IQCM: variants seen among roughly 807,000 people sequenced by gnomAD.
IQCM encodes the protein IQ domain-containing protein M.
In IQCM, 45 loss-of-function variants were observed where a neutral mutation model predicts 57.6. The ratio of observed to expected loss-of-function variants is 0.78; its 90% confidence interval spans 0.62 to 1.00. The LOEUF (loss-of-function observed/expected upper bound fraction) is 1.00. Ranked by LOEUF, IQCM falls within the 50% of genes least tolerant of loss-of-function variation. IQCM has a pLI of 0.00. For synonymous variants in IQCM, 148 were observed against 158.9 expected (o/e 0.93, Z 0.51); for missense variants, 468 against 511.6 (o/e 0.91, Z 0.82).
At chr4:149,465,631 A>AT in intron 12 of IQCM, among the ~76,000 whole-genome samples, 1 of 152,292 alleles carries the variant, frequency 6.6e-6, no homozygotes, top group African/African-American at 2.4e-5. Flanking sequence ...GAGAAAGAAA[A>AT]TATTTCCTTC....
intron 13 of IQCM, among the ~76,000 whole-genome samples, chr4:149,382,907 G>A (rs1388871972): frequency 1.3e-5 from 2 of 150,972 alleles, no homozygotes; most frequent in Admixed American, 1.3e-4. Context: ...AATGGCTGGT[G>A]CATCTACTTT....
At chr4:149,603,408 A>G (rs1233827286) in intron 8 of IQCM, among the ~76,000 whole-genome samples, 8 of 152,174 alleles carry the variant, frequency 5.3e-5, no homozygotes, top group Admixed American at 3.9e-4. Context: ...TTCATCATTG[A>G]TATGGCATCA....
chr4:149,403,118 G>T (rs193240088), intron 13 of IQCM, among the ~76,000 whole-genome samples: 1 of 151,902 alleles, frequency 6.6e-6, no homozygotes, highest in Non-Finnish European at 1.5e-5. Context: ...GAAATATTTT[G>T]ATTATCTTCA....
At chr4:149,472,282 AC>A (rs1739654781) in intron 12 of IQCM, among the ~76,000 whole-genome samples, 1 of 152,202 alleles carries the variant, frequency 6.6e-6, no homozygotes, top group Admixed American at 6.5e-5. Flanking sequence ...GTCTCAGGAT[AC>A]AAAATCAATG....
At chr4:149,471,089 G>T (rs540481107) in intron 12 of IQCM, among the ~76,000 whole-genome samples, 24 of 152,082 alleles carry the variant, frequency 1.6e-4, no homozygotes, top group Non-Finnish European at 2.9e-4. Context: ...ACATTCAAAA[G>T]CTAGCAGAAG....
At chr4:149,382,673 A>G (rs1487761797) in intron 13 of IQCM, among the ~76,000 whole-genome samples, 1 of 152,094 alleles carries the variant, frequency 6.6e-6, no homozygotes, top group Non-Finnish European at 1.5e-5. Context: ...TAAAAACACA[A>G]TGTCAGTGAG....
At chr4:149,416,330 A>T (rs924486856) in intron 13 of IQCM, among the ~76,000 whole-genome samples, 2 of 152,144 alleles carry the variant, frequency 1.3e-5, no homozygotes, top group South Asian at 4.1e-4. Context: ...TTTTGTATTC[A>T]ATATAATTTT....
chr4:149,607,566 T>C (rs1197450491), intron 8 of IQCM, among the ~76,000 whole-genome samples: 1 of 151,826 alleles, frequency 6.6e-6, no homozygotes, highest in Non-Finnish European at 1.5e-5. Flanking sequence ...ATAACAAAAA[T>C]AATAACTGCA....
intron 10 of IQCM, among the ~76,000 whole-genome samples, chr4:149,562,733 T>C (rs1167364697): frequency 6.6e-6 from 1 of 152,202 alleles, no homozygotes. Flanking sequence ...TGTATTATCA[T>C]GTTTAATCAG....
chr4:149,620,404 G>C (rs923807390), intron 8 of IQCM, among the ~76,000 whole-genome samples: 1 of 152,020 alleles, frequency 6.6e-6, no homozygotes, highest in Non-Finnish European at 1.5e-5. Context: ...TATGAAAAGA[G>C]AGAAAAAGAT....
chr4:149,780,939 T>C (rs910029490), intron 2 of IQCM, among the ~76,000 whole-genome samples: 3 of 152,130 alleles, frequency 2.0e-5, no homozygotes, highest in Admixed American at 2.0e-4. Context: ...TTTAGACATG[T>C]TGAGTTTAAG....
At chr4:149,576,607 G>C (rs1158098426) in intron 9 of IQCM, among the ~76,000 whole-genome samples, 1 of 151,900 alleles carries the variant, frequency 6.6e-6, no homozygotes, top group African/African-American at 2.4e-5. Context: ...AGTATTCTAT[G>C]GTGTATATGT....
intron 13 of IQCM, among the ~76,000 whole-genome samples, chr4:149,400,692 A>G (rs1732558742): frequency 1.3e-5 from 2 of 152,116 alleles, no homozygotes; most frequent in Admixed American, 1.3e-4. Flanking sequence ...AAATTAATAT[A>G]TCATTGAGTG....
chr4:149,502,845 A>C (rs1037608901), intron 12 of IQCM, among the ~76,000 whole-genome samples: 1 of 152,144 alleles, frequency 6.6e-6, no homozygotes, highest in African/African-American at 2.4e-5. Flanking sequence ...AATCAGAGGA[A>C]GGCCAAATAA....
At chr4:149,753,474 C>T (rs990986539) in intron 2 of IQCM, among the ~76,000 whole-genome samples, 2 of 151,628 alleles carry the variant, frequency 1.3e-5, no homozygotes, top group East Asian at 1.9e-4. Context: ...GGATTGGACA[C>T]AGTATAAGAG....
intron 7 of IQCM, among the ~76,000 whole-genome samples, chr4:149,669,233 A>G (rs1199502659): frequency 6.6e-6 from 1 of 152,164 alleles, no homozygotes; most frequent in East Asian, 1.9e-4. Context: ...ATGGTCAGTG[A>G]TGATGAGCAT....
At chr4:149,641,130 A>T (rs2150114869) in intron 7 of IQCM, among the ~76,000 whole-genome samples, 1 of 152,360 alleles carries the variant, frequency 6.6e-6, no homozygotes, top group African/African-American at 2.4e-5. Flanking sequence ...CTTGTTTCAA[A>T]AAAAAGTGTT....
intron 13 of IQCM, among the ~76,000 whole-genome samples, chr4:149,426,554 T>C (rs946877870): frequency 6.6e-6 from 1 of 151,982 alleles, no homozygotes; most frequent in African/African-American, 2.4e-5. Flanking sequence ...GGGGCTATCA[T>C]GAGACTGCCT....
chr4:149,801,579 T>A (rs1365523380), intron 2 of IQCM, among the ~76,000 whole-genome samples: 1 of 151,980 alleles, frequency 6.6e-6, no homozygotes. Context: ...TGAGATCCTG[T>A]TATTTGCAAC....
Sources: gnomAD v4.1 joint callset for allele counts (sites outside exome capture counted in the v4.1 genomes callset) on GRCh38, gnomAD v4.1.1 for gene constraint, MANE v1.5 for transcripts, NCBI Gene and HGNC (gene_info 2026-07-23, HGNC 2026-07-21) for gene names.